SRSF3: variants seen among roughly 807,000 people sequenced by gnomAD.
SRSF3 encodes the protein serine/arginine-rich splicing factor 3.
For missense variants in SRSF3, 58 were observed against 217.1 expected, an observed-to-expected ratio of 0.27 and a Z score of 4.61; for synonymous variants, 87 against 73.6, an observed-to-expected ratio of 1.18 and a Z score of -0.93.
chr6:36,601,885 C>T (rs999384471), intron 5 of SRSF3, 77 bp from the exon 6 acceptor site: 5 of 1,574,458 alleles, frequency 3.2e-6, no homozygotes, highest in Middle Eastern at 3.4e-4. Flanking sequence ...CCTTAAAGTT[C>T]TATTTCGATA....
chr6:36,599,577 TCTC>T (rs1778685440), intron 3 of SRSF3: 3 of 305,808 alleles, frequency 9.8e-6, no homozygotes, highest in Non-Finnish European at 1.3e-5. Context: ...TAACTCCACA[TCTC>T]CTCAGACCTC....
chr6:36,594,382 G>C lies in SRSF3; in HGVS notation c.-102G>C, dbSNP rs1415843530. ...GTGGTCCGCCATTTCGTGGACGCCG[G>C]GTGAGTGAGAGAGTTGGTTGGTGTT... On this transcript the variant is annotated 5_prime_UTR_variant, in exon 1 of 6. Coordinates refer to ENST00000373715, the MANE Select transcript of SRSF3 (RefSeq NM_003017.5). The C allele has an allele frequency of 6.6e-6, 1 of 152,642 alleles. No homozygotes were observed. Among genetic ancestry groups the C allele is most frequent in the Non-Finnish European group, 1.5e-5 (1 of 68,142 alleles). The allele number at this position is 152,642 out of a possible 1,614,324, so 9.5% of individuals were successfully genotyped here. A position where few individuals can be genotyped will look rare whatever the true frequency, so the allele number is the denominator to read the frequency against.
Position 36,602,434 on chromosome 6 carries a change from A to C in SRSF3, c.*445A>C. 4.3e-6 allele frequency: 1 copy of C among 230,852 alleles called. No homozygotes were observed. Among genetic ancestry groups the C allele is most frequent in the Non-Finnish European group, 8.5e-6 (1 of 117,018 alleles). 14.3% of individuals were successfully genotyped at this position (230,852 alleles called of 1,614,324 possible). A position where few individuals can be genotyped will look rare whatever the true frequency, so the allele number is the denominator to read the frequency against. On this transcript the variant is annotated 3_prime_UTR_variant, in exon 6 of 6. Coordinates refer to ENST00000373715, the MANE Select transcript of SRSF3 (RefSeq NM_003017.5). Reference sequence around the variant, plus strand: ...GTCTTTAAAAACTGCTGTGAAACACAGGCCATCAGGGAAAACGAAATGCTG... The same window carrying C: ...GTCTTTAAAAACTGCTGTGAAACACCGGCCATCAGGGAAAACGAAATGCTG...
chr6:36,595,692 T>C (rs537365148), intron 1 of SRSF3, among the ~76,000 whole-genome samples: 1 of 152,280 alleles, frequency 6.6e-6, no homozygotes, highest in Admixed American at 6.5e-5. Context: ...ACTCATTTTA[T>C]GTCTATACCA....
In SRSF3 at chr6:36,604,868, G is replaced by T. The variant is rs1010116866; in HGVS notation, c.*2879G>T. 2 of 152,164 alleles carry T rather than the reference G, an allele frequency of 1.3e-5. No individual in the cohort carries two copies. The highest frequency in any genetic ancestry group is 2.9e-5 in the Non-Finnish European group (2 of 68,038). 9.4% of individuals were successfully genotyped at this position (152,164 alleles called of 1,614,324 possible). On this transcript the variant is annotated 3_prime_UTR_variant, in exon 6 of 6. Transcript: ENST00000373715. ...ACCCTTGGTGATGTGAGAACCACTA[G>T]TTTAGTATTTTGTCCAAGTATGCTT... is the stretch of plus-strand genomic sequence containing the variant.
At position 36,604,695 on chromosome 6, in the gene SRSF3, C is replaced by G. The variant is rs1778782651; in HGVS notation, c.*2706C>G. 1.9e-5 allele frequency: 3 copies of G among 156,400 alleles called. No homozygotes were observed. The Admixed American group carries it at 2.0e-4, about 10-fold the overall frequency. The allele number at this position is 156,400 out of a possible 1,614,324, so 9.7% of individuals were successfully genotyped here. ...TGTGGATGGAAAATCCAGGTTATTA[C>G]TACATTCATTTTAGTACAGTGCTGC... is the stretch of plus-strand genomic sequence containing the variant. On this transcript the variant is annotated 3_prime_UTR_variant, in exon 6 of 6. Transcript: ENST00000373715.
chr6:36,595,357 A>AT (rs1562011159), intron 1 of SRSF3, among the ~76,000 whole-genome samples: 1 of 152,184 alleles, frequency 6.6e-6, no homozygotes, highest in African/African-American at 2.4e-5. Flanking sequence ...TCTCTTTGTA[A>AT]TTTTTTATTA....
At chr6:36,597,047 G>T in intron 2 of SRSF3, 79 bp downstream of exon 2, 1 of 1,175,654 alleles carries the variant, frequency 8.5e-7, no homozygotes, top group Non-Finnish European at 1.2e-6. Context: ...GTGGCTCTTA[G>T]ATGGCTTTCC....
intron 1 of SRSF3, among the ~76,000 whole-genome samples, chr6:36,595,765 A>G (rs937746366): frequency 3.9e-5 from 6 of 152,190 alleles, no homozygotes; most frequent in Non-Finnish European, 7.3e-5. Flanking sequence ...TACTGTGAAT[A>G]AGTGCTACTA....
rs751006821 is a variant in SRSF3 at position 36,601,671 on chromosome 6, A to G, written c.381-37A>G. The G allele has an allele frequency of 3.0e-5, 46 of 1,518,278 alleles. 1 individual carries two copies. Among genetic ancestry groups the G allele is most frequent in the South Asian group, 7.1e-5 (6 of 84,648 alleles). 94.1% of individuals were successfully genotyped at this position (1,518,278 alleles called of 1,614,324 possible). A position where few individuals can be genotyped will look rare whatever the true frequency, so the allele number is the denominator to read the frequency against. On this transcript the variant is annotated intron_variant, in intron 4 of 5. Transcript: ENST00000373715. ...GAAAATATTTATGTATAATTTTATC[A>G]TACCTCATTGGTCCTAATGTTTTTT...
rs764506415 is a variant in SRSF3, at chr6:36,603,827, T to TA, written c.*1839dup. The TA allele has an allele frequency of 2.2e-5, 5 of 231,664 alleles. No homozygotes were observed. The highest frequency in any genetic ancestry group is 1.1e-4 in the Admixed American group (2 of 17,758). 14.4% of individuals were successfully genotyped at this position (231,664 alleles called of 1,614,324 possible). A position where few individuals can be genotyped will look rare whatever the true frequency, so the allele number is the denominator to read the frequency against. On this transcript the variant is annotated 3_prime_UTR_variant, in exon 6 of 6. Coordinates refer to ENST00000373715, the MANE Select transcript of SRSF3 (RefSeq NM_003017.5). ...CATTGCTTTTTATAAATGGACAACTTATGTGGGCATTTTTGGGCAGTATAT... is the reference window on the plus strand; with the variant it reads ...CATTGCTTTTTATAAATGGACAACTTAATGTGGGCATTTTTGGGCAGTATAT...
At position 36,602,455 on chromosome 6, in the gene SRSF3, T is replaced by C. The variant is rs1021927473; in HGVS notation, c.*466T>C. The C allele has an allele frequency of 8.8e-6, 2 of 227,640 alleles. No homozygotes were observed. The highest frequency in any genetic ancestry group is 2.2e-5 in the African/African-American group (1 of 44,996). The allele number at this position is 227,640 out of a possible 1,614,324, so 14.1% of individuals were successfully genotyped here. On this transcript the variant is annotated 3_prime_UTR_variant, in exon 6 of 6. Transcript: ENST00000373715. ...ACACAGGCCATCAGGGAAAACGAAA[T>C]GCTGCACTATTAAATTAGAGGTTTT...
At position 36,604,506 on chromosome 6, in the gene SRSF3, C is replaced by T. The variant is rs145969639; in HGVS notation, c.*2517C>T. ...GTTCATTGTGGGTTGCTTCTGACCTCCATGTCTTAAGCAGAAAGTAGGGAA... is the reference window on the plus strand; with the variant it reads ...GTTCATTGTGGGTTGCTTCTGACCTTCATGTCTTAAGCAGAAAGTAGGGAA... On this transcript the variant is annotated 3_prime_UTR_variant, in exon 6 of 6. Coordinates refer to ENST00000373715, the MANE Select transcript of SRSF3 (RefSeq NM_003017.5). 1 of 179,276 alleles carries T rather than the reference C, an allele frequency of 5.6e-6. No individual in the cohort carries two copies. Among genetic ancestry groups the T allele is most frequent in the Non-Finnish European group, 1.2e-5 (1 of 83,648 alleles). The allele number at this position is 179,276 out of a possible 1,614,324, so 11.1% of individuals were successfully genotyped here. A position where few individuals can be genotyped will look rare whatever the true frequency, so the allele number is the denominator to read the frequency against.
chr6:36,602,782 T>G lies in SRSF3; in HGVS notation c.*793T>G. The G allele has an allele frequency of 4.7e-6, 1 of 210,672 alleles. No individual in the cohort carries two copies. The highest frequency in any genetic ancestry group is 9.7e-6 in the Non-Finnish European group (1 of 103,514). The allele number at this position is 210,672 out of a possible 1,614,324, so 13.1% of individuals were successfully genotyped here. ...AAAGTTTTGGTTACAAATTGTTCTT[T>G]AACTTGAAAGCCTGTTTTTCCTTGC... is the stretch of plus-strand genomic sequence containing the variant. On this transcript the variant is annotated 3_prime_UTR_variant, in exon 6 of 6. Transcript: ENST00000373715.
chr6:36,596,693 TC>T, intron 1 of SRSF3, 67 bp from the exon 2 acceptor site: 18 of 1,409,738 alleles, frequency 1.3e-5, no homozygotes, highest in Non-Finnish European at 7.0e-6. Flanking sequence ...TGGAGTTCTT[TC>T]TAAGGATCTG....
intron 3 of SRSF3, chr6:36,600,736 C>T (rs1425050465): frequency 6.3e-6 from 1 of 158,186 alleles, no homozygotes; most frequent in Admixed American, 6.3e-5. Flanking sequence ...ACACTATCCA[C>T]CTGGTACCTA....
rs934196212 is a variant in SRSF3 at position 36,602,911 on chromosome 6, G to T, written c.*922G>T. On this transcript the variant is annotated 3_prime_UTR_variant, in exon 6 of 6. Transcript: ENST00000373715. ...GTGCTTTTGAATTAATAAAATATTA[G>T]CATAATTGTGTATAGTCAGTTGAAC... is the stretch of plus-strand genomic sequence containing the variant. 9.5e-6 allele frequency: 2 copies of T among 211,426 alleles called. No homozygotes were observed. The highest frequency in any genetic ancestry group is 4.5e-5 in the African/African-American group (2 of 44,070). 13.1% of individuals were successfully genotyped at this position (211,426 alleles called of 1,614,324 possible).
intron 5 of SRSF3, 70 bp from the exon 6 acceptor site, chr6:36,601,892 G>C (rs1057021529): frequency 6.3e-7 from 1 of 1,584,964 alleles, no homozygotes; most frequent in Non-Finnish European, 8.5e-7. Context: ...GTTCTATTTC[G>C]ATATGTCACT....
chr6:36,600,285 T>C (rs946189080), intron 3 of SRSF3: 3 of 1,042,830 alleles, frequency 2.9e-6, no homozygotes, highest in Non-Finnish European at 3.5e-6. Context: ...TAGTAAGTTT[T>C]TCCTGCTTAT....
Sources: allele counts gnomAD v4.1 joint callset (sites outside exome capture counted in the v4.1 genomes callset), GRCh38; gene constraint gnomAD v4.1.1; transcripts MANE v1.5; gene names NCBI Gene and HGNC (gene_info 2026-07-23, HGNC 2026-07-21).